PTDSS2: variants seen among roughly 807,000 people sequenced by gnomAD.
The protein encoded by PTDSS2 is phosphatidylserine synthase 2.
A neutral mutation model predicts 64.7 loss-of-function variants in PTDSS2; 41 were observed. The observed-to-expected ratio is 0.63, with a 90% CI of 0.49 to 0.82. PTDSS2 has a LOEUF of 0.82. PTDSS2 is among the 40% of genes least tolerant of loss of function. PTDSS2 has a pLI of 0.00. For missense variants in PTDSS2, 485 were observed against 650.0 expected (o/e 0.75, Z 2.76); for synonymous variants, 297 against 277.8 (o/e 1.07, Z -0.69).
In PTDSS2 at chr11:488,241, G is replaced by A. The variant is rs772923086; in HGVS notation, c.664G>A (p.Val222Met). 1.3e-4 allele frequency: 206 copies of A among 1,613,436 alleles called. No individual in the cohort carries two copies. Among genetic ancestry groups the A allele is most frequent in the Non-Finnish European group, 1.6e-4 (186 of 1,179,896 alleles). Residue 222 changes from valine (V) to methionine (M), a missense_variant, in exon 7 of 12, where the codon GTG (valine) becomes ATG (methionine). Around this residue, in one of 3 missense-constraint regions of PTDSS2, gnomAD observed 251 missense variants for 348.0 expected, o/e 0.72. Transcript: ENST00000308020. ...RDWWMCMIIS[V>M]MFEFLEYSLE... ...CTGGTGGATGTGCATGATCATCAGCGTGATGTTCGAGTTCCTGGAGTACAG... is the reference window on the plus strand; with the variant it reads ...CTGGTGGATGTGCATGATCATCAGCATGATGTTCGAGTTCCTGGAGTACAG...
intron 3 of PTDSS2, among the ~76,000 whole-genome samples, chr11:475,031 T>G (rs75283016): frequency 2.9e-5 from 2 of 69,446 alleles, no homozygotes; most frequent in African/African-American, 1.2e-4. Context: ...CATATTCACG[T>G]GTTTGTGTGA....
At chr11:458,913 G>C (rs1293113110) in intron 1 of PTDSS2, 1 of 152,250 alleles carries the variant, frequency 6.6e-6, no homozygotes, top group Non-Finnish European at 1.5e-5. Context: ...CATGCTTTAA[G>C]TGCATTGTTC....
At position 476,785 on chromosome 11, in the gene PTDSS2, T is replaced by C. The variant is rs938727032; in HGVS notation, c.368-2300T>C. On this transcript the variant is annotated intron_variant, in intron 3 of 11. Coordinates refer to ENST00000308020, the MANE Select transcript of PTDSS2 (RefSeq NM_030783.3). This position sits in a 1 kb window ranked among gnomAD's most constrained non-coding sequence, Gnocchi z 4.9. Reference sequence around the variant, plus strand: ...TGGGCAGGACTGGGGGTTCCTGGGGTGTTCAGTTTTTAGTCTGAGCTCTGC... The same window carrying C: ...TGGGCAGGACTGGGGGTTCCTGGGGCGTTCAGTTTTTAGTCTGAGCTCTGC... 1.1e-4 allele frequency among the ~76,000 whole-genome samples: 16 copies of C among 152,018 alleles called. No individual in the cohort carries two copies. The highest frequency in any genetic ancestry group is 2.2e-4 in the Non-Finnish European group (15 of 67,970).
rs1417608046 is a variant in PTDSS2 at position 462,030 on chromosome 11, G to A, written c.284+1742G>A. Among the ~76,000 whole-genome samples the A allele has an allele frequency of 2.6e-5, 4 of 152,320 alleles. No individual in the cohort carries two copies. The highest frequency in any genetic ancestry group is 2.9e-5 in the Non-Finnish European group (2 of 68,008). ...AGCAGGGTAGGTGGATTAGGAAGCAGGACCGGGTCTCACCTCAAGTGTCCC... is the reference window on the plus strand; with the variant it reads ...AGCAGGGTAGGTGGATTAGGAAGCAAGACCGGGTCTCACCTCAAGTGTCCC... On this transcript the variant is annotated intron_variant, in intron 2 of 11. Coordinates refer to ENST00000308020, the MANE Select transcript of PTDSS2 (RefSeq NM_030783.3). This position sits in a 1 kb window ranked among gnomAD's most constrained non-coding sequence, Gnocchi z 4.5.
At chr11:471,097 CTTTTT>C (rs36051705) in intron 2 of PTDSS2, among the ~76,000 whole-genome samples, 3 of 129,290 alleles carry the variant, frequency 2.3e-5, no homozygotes, top group Non-Finnish European at 1.6e-5. Flanking sequence ...TTAAGTAATT[CTTTTT>C]TTTTTTTTTT....
At chr11:450,085 T>C (rs1183320673), upstream of PTDSS2, among the ~76,000 whole-genome samples, 1 of 152,112 alleles carries the variant, frequency 6.6e-6, no homozygotes, top group Non-Finnish European at 1.5e-5. Context: ...CGGGGATGTC[T>C]GTGGTTACCT....
At chr11:468,340 G>C (rs1847235873) in intron 2 of PTDSS2, among the ~76,000 whole-genome samples, 1 of 152,256 alleles carries the variant, frequency 6.6e-6, no homozygotes, top group South Asian at 2.1e-4. Flanking sequence ...GTAGAATGCA[G>C]CATTCGTATG....
chr11:477,225 C>A (rs557724058), intron 3 of PTDSS2, among the ~76,000 whole-genome samples: 35 of 152,340 alleles, frequency 2.3e-4, no homozygotes, highest in African/African-American at 7.9e-4. Flanking sequence ...GAGTTGGCTG[C>A]AGCTCTGAGG....
chr11:474,864 C>T lies in PTDSS2; in HGVS notation c.367+887C>T, dbSNP rs935763242. ...GGACATATTCACTTGTTTGTGTATA[C>T]GGACATATTCACGTGTTTGTGTGTG... On this transcript the variant is annotated intron_variant, in intron 3 of 11. Coordinates refer to ENST00000308020, the MANE Select transcript of PTDSS2 (RefSeq NM_030783.3). Among the ~76,000 whole-genome samples the T allele has an allele frequency of 5.9e-5, 9 of 151,786 alleles. No individual in the cohort carries two copies. In the East Asian group the frequency reaches 1.2e-3, roughly 20 times the overall value.
chr11:479,014 C>A lies in PTDSS2; in HGVS notation c.368-71C>A. 7.6e-7 allele frequency: 1 copy of A among 1,310,144 alleles called. No homozygotes were observed. The highest frequency in any genetic ancestry group is 1.1e-6 in the Non-Finnish European group (1 of 905,960). The allele number at this position is 1,310,144 out of a possible 1,614,324, so 81.2% of individuals were successfully genotyped here. ...CACTGGGTGTGAAGGAGCCAGGAGC[C>A]GGCCTGGGGCTGAGCGGGGCCGTGG... On this transcript the variant is annotated intron_variant, in intron 3 of 11. Transcript: ENST00000308020. This position sits in a 1 kb window ranked among gnomAD's most constrained non-coding sequence, Gnocchi z 4.2.
chr11:487,148 C>A, intron 5 of PTDSS2, 75 bp downstream of exon 5: 1 of 1,380,712 alleles, frequency 7.2e-7, no homozygotes, highest in Non-Finnish European at 1.0e-6. Flanking sequence ...CATCCACGCT[C>A]CTGCCTCGCA....
intron 1 of PTDSS2, chr11:459,323 G>C (rs972281335): frequency 6.2e-5 from 9 of 145,450 alleles, no homozygotes; most frequent in African/African-American, 2.4e-4. Flanking sequence ...TCGGACCTGG[G>C]TTAGACGTGA....
rs1847604643 is a variant in PTDSS2, at chr11:474,048, C to T, written c.367+71C>T. ...TCTGAGCGGCCACTCTGTGTCTGTGCTGCTGGGTGTGAGTGTCCTGTCCTC... is the reference window on the plus strand; with the variant it reads ...TCTGAGCGGCCACTCTGTGTCTGTGTTGCTGGGTGTGAGTGTCCTGTCCTC... On this transcript the variant is annotated intron_variant, in intron 3 of 11. Coordinates refer to ENST00000308020, the MANE Select transcript of PTDSS2 (RefSeq NM_030783.3). The T allele has an allele frequency of 6.2e-6, 8 of 1,283,172 alleles. No individual in the cohort carries two copies. In the East Asian group the frequency reaches 1.2e-4, roughly 19 times the overall value. 79.5% of individuals were successfully genotyped at this position (1,283,172 alleles called of 1,614,324 possible).
chr11:470,592 T>G lies in PTDSS2; in HGVS notation c.285-3303T>G, dbSNP rs1183626731. 6.6e-6 allele frequency among the ~76,000 whole-genome samples: 1 copy of G among 152,164 alleles called. No individual in the cohort carries two copies. Among genetic ancestry groups the G allele is most frequent in the African/African-American group, 2.4e-5 (1 of 41,432 alleles). On this transcript the variant is annotated intron_variant, in intron 2 of 11. Transcript: ENST00000308020. This position sits in a 1 kb window ranked among gnomAD's most constrained non-coding sequence, Gnocchi z 5.3. Reference sequence around the variant, plus strand: ...ATTTATTTTTTATTTTTTATGTTTATTTTATTTTATTTTTTGAGACAGAGT... The same window carrying G: ...ATTTATTTTTTATTTTTTATGTTTAGTTTATTTTATTTTTTGAGACAGAGT...
Position 479,259 on chromosome 11 carries a change from A to G in PTDSS2, c.435+107A>G. On this transcript the variant is annotated intron_variant, in intron 4 of 11. Coordinates refer to ENST00000308020, the MANE Select transcript of PTDSS2 (RefSeq NM_030783.3). The surrounding 1 kb of genome is among the most constrained non-coding windows in gnomAD (Gnocchi z 4.2). ...CACACAGCCCTCGAGTGATGGGAGG[A>G]AGCAGGGCTAGACCCCCACAAAGTA... The G allele has an allele frequency of 1.0e-6, 1 of 964,258 alleles. No homozygotes were observed. 59.7% of individuals were successfully genotyped at this position (964,258 alleles called of 1,614,324 possible). A position where few individuals can be genotyped will look rare whatever the true frequency, so the allele number is the denominator to read the frequency against.
chr11:466,738 T>C (rs1338977150), intron 2 of PTDSS2, among the ~76,000 whole-genome samples: 1 of 152,046 alleles, frequency 6.6e-6, no homozygotes, highest in African/African-American at 2.4e-5. Context: ...CCATCAGCTC[T>C]CGTGAGACTC....
Position 461,491 on chromosome 11 carries a change from C to G in PTDSS2, c.284+1203C>G, listed in dbSNP as rs1335494760. On this transcript the variant is annotated intron_variant, in intron 2 of 11. Transcript: ENST00000308020. The surrounding 1 kb of genome is among the most constrained non-coding windows in gnomAD (Gnocchi z 4.2). ...GACCCAGGACTCTGCAGCCTGCTCC[C>G]CAGATGAGCTCACCCTCCATCCTCA... 1.3e-5 allele frequency among the ~76,000 whole-genome samples: 2 copies of G among 152,124 alleles called. No individual in the cohort carries two copies. The highest frequency in any genetic ancestry group is 2.9e-5 in the Non-Finnish European group (2 of 68,008).
chr11:483,599 A>G (rs1049523524), intron 4 of PTDSS2, among the ~76,000 whole-genome samples: 6 of 152,222 alleles, frequency 3.9e-5, no homozygotes, highest in African/African-American at 1.4e-4. Context: ...CCCTTTGTTA[A>G]TATGATGAAT....
At chr11:485,199 G>A (rs1848277888) in intron 4 of PTDSS2, among the ~76,000 whole-genome samples, 1 of 131,032 alleles carries the variant, frequency 7.6e-6, no homozygotes, top group Non-Finnish European at 1.6e-5. Flanking sequence ...AAACTGCACA[G>A]GCGCGTGTGT....
Sources: allele counts gnomAD v4.1 joint callset (sites outside exome capture counted in the v4.1 genomes callset), GRCh38; gene constraint gnomAD v4.1.1; regional missense constraint gnomAD v4.1.1; non-coding constraint Gnocchi (gnomAD v3.1); transcripts MANE v1.5; gene names NCBI Gene and HGNC (gene_info 2026-07-23, HGNC 2026-07-21).